SLC24A3: variants seen among roughly 807,000 people sequenced by gnomAD.
SLC24A3 encodes sodium/potassium/calcium exchanger 3.
Under a neutral mutation model 75.8 loss-of-function variants are expected in SLC24A3, and 28 were observed. The ratio of observed to expected loss-of-function variants is 0.37; its 90% CI spans 0.27 to 0.51. The LOEUF (loss-of-function observed/expected upper bound fraction) is 0.51. SLC24A3 is among the 20% of genes least tolerant of loss of function. SLC24A3 has a pLI of 0.94. For missense variants in SLC24A3, 663 were observed against 847.8 expected, an observed-to-expected ratio of 0.78 and a Z score of 2.71; for synonymous variants, 372 against 334.1, an observed-to-expected ratio of 1.11 and a Z score of -1.24.
At chr20:19,675,829 CTT>C (rs1259785288) in intron 9 of SLC24A3, among the ~76,000 whole-genome samples, 3 of 152,054 alleles carry the variant, frequency 2.0e-5, no homozygotes, top group Admixed American at 2.0e-4. Flanking sequence ...TCTTATGCCT[CTT>C]TGTCTCAAAG....
At chr20:19,432,864 T>C (rs970293011) in intron 2 of SLC24A3, among the ~76,000 whole-genome samples, 2 of 152,212 alleles carry the variant, frequency 1.3e-5, no homozygotes, top group African/African-American at 4.8e-5. Flanking sequence ...ATGATGGTGG[T>C]TGTAACTGTC....
rs1405041456 is a variant in SLC24A3 at position 19,693,434 on chromosome 20, A to C, written c.1491+9A>C. The C allele has an allele frequency of 6.2e-7, 1 of 1,613,602 alleles. No individual in the cohort carries two copies. The highest frequency in any genetic ancestry group is 1.3e-5 in the African/African-American group (1 of 74,992). On this transcript the variant is annotated intron_variant, in intron 13 of 16. Transcript: ENST00000328041. ...ACATGATGGTGTGGATGGTGAGTGCAATCGGGACCCCATGGCACTGTTAAA... is the reference window on the plus strand; with the variant it reads ...ACATGATGGTGTGGATGGTGAGTGCCATCGGGACCCCATGGCACTGTTAAA...
chr20:19,687,496 C>T (rs538365027), intron 12 of SLC24A3, among the ~76,000 whole-genome samples: 1 of 152,344 alleles, frequency 6.6e-6, no homozygotes, highest in Admixed American at 6.5e-5. Flanking sequence ...ATTCCACTTA[C>T]TCAACCCCTG....
intron 2 of SLC24A3, among the ~76,000 whole-genome samples, chr20:19,326,132 G>A (rs888099699): frequency 1.3e-5 from 2 of 151,924 alleles, no homozygotes; most frequent in African/African-American, 4.8e-5. Context: ...TGCCTGGCAC[G>A]TGAATTCTTC....
intron 13 of SLC24A3, chr20:19,694,246 C>A (rs189747656): frequency 3.3e-5 from 5 of 152,250 alleles, no homozygotes; most frequent in African/African-American, 1.2e-4. Flanking sequence ...GGGAGAAATT[C>A]CAAATCATTA....
At chr20:19,317,855 C>A (rs1374584367) in intron 2 of SLC24A3, among the ~76,000 whole-genome samples, 1 of 152,210 alleles carries the variant, frequency 6.6e-6, no homozygotes, top group Non-Finnish European at 1.5e-5. Context: ...ATAGTAATAG[C>A]TGCATTCTCT....
At chr20:19,244,809 C>T (rs1032397709) in intron 1 of SLC24A3, among the ~76,000 whole-genome samples, 3 of 152,184 alleles carry the variant, frequency 2.0e-5, no homozygotes, top group African/African-American at 7.2e-5. Context: ...AATATCACAG[C>T]AGAGCTGAAC....
intron 2 of SLC24A3, among the ~76,000 whole-genome samples, chr20:19,349,919 G>T (rs890220497): frequency 6.6e-6 from 1 of 152,206 alleles, no homozygotes; most frequent in Non-Finnish European, 1.5e-5. Flanking sequence ...TGTGGCATAT[G>T]TTTCTAAGCT....
chr20:19,721,321 C>A lies in SLC24A3; in HGVS notation c.*181C>A. Reference sequence around the variant, plus strand: ...CTGACCCATCCTCGCTCCCCCACCTCCTTGGGTCATGCCCACCCACCCTTT... The same window carrying A: ...CTGACCCATCCTCGCTCCCCCACCTACTTGGGTCATGCCCACCCACCCTTT... On this transcript the variant is annotated 3_prime_UTR_variant, in exon 17 of 17. Transcript: ENST00000328041. 3.0e-6 allele frequency: 2 copies of A among 667,822 alleles called. No homozygotes were observed. The highest frequency in any genetic ancestry group is 4.9e-6 in the Non-Finnish European group (2 of 410,830). 41.4% of individuals were successfully genotyped at this position (667,822 alleles called of 1,614,324 possible).
At chr20:19,499,768 GCA>G (rs550681822) in intron 2 of SLC24A3, among the ~76,000 whole-genome samples, 2 of 152,104 alleles carry the variant, frequency 1.3e-5, no homozygotes, top group East Asian at 1.9e-4. Context: ...TTGTACATAT[GCA>G]CACACACATA....
intron 2 of SLC24A3, among the ~76,000 whole-genome samples, chr20:19,477,893 G>T (rs1269155773): frequency 2.0e-5 from 3 of 152,172 alleles, no homozygotes; most frequent in Non-Finnish European, 4.4e-5. Flanking sequence ...GCAGGTATTA[G>T]AAGTGAATGA....
chr20:19,532,736 C>T (rs886544404), intron 3 of SLC24A3, among the ~76,000 whole-genome samples: 1 of 152,236 alleles, frequency 6.6e-6, no homozygotes, highest in Non-Finnish European at 1.5e-5. Flanking sequence ...TCTTATTCCA[C>T]CCTGGCAACC....
chr20:19,654,222 C>T (rs796541451), intron 7 of SLC24A3, 86 bp downstream of exon 7: 23 of 1,260,962 alleles, frequency 1.8e-5, no homozygotes, highest in African/African-American at 4.5e-5. Context: ...GGAGTTCACT[C>T]GAGGTCACCG....
chr20:19,400,403 A>C (rs942518032), intron 2 of SLC24A3, among the ~76,000 whole-genome samples: 3 of 152,132 alleles, frequency 2.0e-5, no homozygotes, highest in African/African-American at 7.2e-5. Context: ...AGACCTTCCC[A>C]TGTACTCTAC....
chr20:19,703,509 A>G (rs1453270565), intron 15 of SLC24A3, among the ~76,000 whole-genome samples: 2 of 152,234 alleles, frequency 1.3e-5, no homozygotes, highest in African/African-American at 2.4e-5. Flanking sequence ...TTGTACATCA[A>G]TAACTCCTGA....
chr20:19,615,719 G>T (rs1467953435), intron 6 of SLC24A3, among the ~76,000 whole-genome samples: 3 of 152,180 alleles, frequency 2.0e-5, no homozygotes, highest in African/African-American at 4.8e-5. Flanking sequence ...TGAGTCTTCT[G>T]GCTCTTTTAT....
chr20:19,350,244 C>T (rs1985536817), intron 2 of SLC24A3, among the ~76,000 whole-genome samples: 1 of 152,136 alleles, frequency 6.6e-6, no homozygotes, highest in South Asian at 2.1e-4. Flanking sequence ...AAAAAGAGCA[C>T]TTTATTAAAA....
chr20:19,605,546 A>G (rs1033290409), intron 6 of SLC24A3, among the ~76,000 whole-genome samples: 1 of 152,036 alleles, frequency 6.6e-6, no homozygotes, highest in Non-Finnish European at 1.5e-5. Context: ...ATTAATGTCA[A>G]CCCCACAAGC....
intron 2 of SLC24A3, among the ~76,000 whole-genome samples, chr20:19,506,094 A>T (rs1988458845): frequency 6.6e-6 from 1 of 152,200 alleles, no homozygotes; most frequent in Non-Finnish European, 1.5e-5. Context: ...AACAATTAAG[A>T]CTCAAAGATG....
Sources: gnomAD v4.1 joint callset for allele counts (sites outside exome capture counted in the v4.1 genomes callset) on GRCh38, gnomAD v4.1.1 for gene constraint, MANE v1.5 for transcripts, NCBI Gene and HGNC (gene_info 2026-07-23, HGNC 2026-07-21) for gene names.